COP1: variants seen among roughly 807,000 people sequenced by gnomAD.
The protein encoded by COP1 is COP1 E3 ubiquitin ligase.
A neutral mutation model predicts 101.3 loss-of-function variants in COP1; 24 were observed. The observed-to-expected ratio is 0.24, with a 90% CI of 0.17 to 0.33. The LOEUF is 0.33. COP1 is among the 10% of genes least tolerant of loss of function. The pLI is 1.00. For synonymous variants in COP1, 347 were observed against 341.9 expected, an observed-to-expected ratio of 1.01 and a Z score of -0.17; for missense variants, 663 against 906.2, an observed-to-expected ratio of 0.73 and a Z score of 3.45.
chr1:176,141,829 C>T (rs1352183614), intron 6 of COP1, among the ~76,000 whole-genome samples: 2 of 151,802 alleles, frequency 1.3e-5, no homozygotes, highest in African/African-American at 4.8e-5. Flanking sequence ...CTCCTAGGCT[C>T]AAGCAATTCT....
intron 14 of COP1, among the ~76,000 whole-genome samples, chr1:176,030,361 C>G (rs552675324): frequency 2.4e-4 from 36 of 152,138 alleles, no homozygotes; most frequent in Admixed American, 7.2e-4. Context: ...ACAGCCTAGG[C>G]CCAAAGGTAA....
intron 15 of COP1, among the ~76,000 whole-genome samples, chr1:175,997,559 A>C (rs1483027686): frequency 6.6e-6 from 1 of 151,548 alleles, no homozygotes; most frequent in South Asian, 2.1e-4. Flanking sequence ...CAAGAAAAAA[A>C]CAAACAACCC....
At chr1:175,982,777 CAGAA>C (rs1558206068) in intron 18 of COP1, among the ~76,000 whole-genome samples, 1 of 152,062 alleles carries the variant, frequency 6.6e-6, no homozygotes, top group Non-Finnish European at 1.5e-5. Context: ...AAATCACACA[CAGAA>C]AGAAATACTG....
rs540169676 is a variant in COP1 at position 176,101,594 on chromosome 1, C to A, written c.1026+15030G>T. On this transcript the variant is annotated intron_variant, in intron 9 of 19. Transcript: ENST00000367669. Reference sequence around the variant, plus strand: ...GAAGGGAACCCAGAAGCCCAACATGCCAGCAAAGGGTAAAAGTTTGTTTTA... The same window carrying A: ...GAAGGGAACCCAGAAGCCCAACATGACAGCAAAGGGTAAAAGTTTGTTTTA... 2.6e-4 allele frequency among the ~76,000 whole-genome samples: 40 copies of A among 152,264 alleles called. 1 individual carries two copies. The highest frequency in any genetic ancestry group is 2.1e-3 in the East Asian group (11 of 5,182).
intron 18 of COP1, among the ~76,000 whole-genome samples, chr1:175,964,281 T>G (rs992702442): frequency 6.6e-6 from 1 of 152,034 alleles, no homozygotes; most frequent in South Asian, 2.1e-4. Flanking sequence ...CCTCTACCCT[T>G]AGATGTTTAA....
chr1:176,088,863 T>C (rs948139054), intron 9 of COP1, among the ~76,000 whole-genome samples: 1 of 151,454 alleles, frequency 6.6e-6, no homozygotes, highest in Non-Finnish European at 1.5e-5. Flanking sequence ...GGCATCGTGG[T>C]GCATGCCTGT....
chr1:176,109,141 A>C (rs1191011123), intron 9 of COP1, among the ~76,000 whole-genome samples: 3 of 152,096 alleles, frequency 2.0e-5, no homozygotes, highest in African/African-American at 4.8e-5. Context: ...AAAATTATCA[A>C]AATTTTTAAT....
At chr1:176,068,861 TACA>T (rs979287078) in intron 11 of COP1, among the ~76,000 whole-genome samples, 2 of 152,200 alleles carry the variant, frequency 1.3e-5, no homozygotes, top group African/African-American at 4.8e-5. Context: ...ACTTGCTAAG[TACA>T]ACAACAGCCC....
intron 5 of COP1, among the ~76,000 whole-genome samples, chr1:176,152,764 A>C (rs1692826543): frequency 6.6e-6 from 1 of 152,162 alleles, no homozygotes. Flanking sequence ...AAAAAACCCT[A>C]GATAACTTTA....
intron 12 of COP1, 28 bp downstream of exon 12, chr1:176,046,153 C>A: frequency 6.4e-7 from 1 of 1,570,314 alleles, no homozygotes; most frequent in Non-Finnish European, 8.7e-7. Flanking sequence ...ATCTATACTG[C>A]ATCATGTCAA....
intron 8 of COP1, among the ~76,000 whole-genome samples, chr1:176,124,514 CAT>C (rs930809454): frequency 9.0e-5 from 13 of 145,124 alleles, no homozygotes; most frequent in East Asian, 8.6e-4. Flanking sequence ...TAAGTGAAAA[CAT>C]GTGTTGTTTA....
At chr1:176,183,147 G>A in intron 2 of COP1, among the ~76,000 whole-genome samples, 1 of 152,100 alleles carries the variant, frequency 6.6e-6, no homozygotes. Context: ...ACTAGCAGAG[G>A]GAATACACCT....
intron 11 of COP1, among the ~76,000 whole-genome samples, chr1:176,048,094 C>G (rs979101301): frequency 6.6e-6 from 1 of 151,874 alleles, no homozygotes; most frequent in Non-Finnish European, 1.5e-5. Flanking sequence ...ACAACAACAA[C>G]AAGGACTATT....
At chr1:176,001,373 G>GATTGAGTATAGTAGC (rs1257464816) in intron 15 of COP1, among the ~76,000 whole-genome samples, 5 of 152,072 alleles carry the variant, frequency 3.3e-5, no homozygotes, top group Non-Finnish European at 7.4e-5. Context: ...CATTTTCAGC[G>GATTGAGTATAGTAGC]ATTGAGTATA....
At chr1:175,975,642 C>A (rs114409469) in intron 18 of COP1, among the ~76,000 whole-genome samples, 1 of 152,066 alleles carries the variant, frequency 6.6e-6, no homozygotes, top group Non-Finnish European at 1.5e-5. Context: ...ATCCTAGCCT[C>A]AAGTGATCCA....
intron 15 of COP1, among the ~76,000 whole-genome samples, chr1:176,012,268 G>A (rs958125435): frequency 4.6e-5 from 7 of 152,170 alleles, no homozygotes; most frequent in African/African-American, 1.7e-4. Context: ...CAGGCAGCTG[G>A]GACTACAGGT....
At chr1:175,995,468 T>G (rs9730487) in intron 15 of COP1, among the ~76,000 whole-genome samples, 60,505 of 151,872 alleles carry the variant, frequency 0.4, 12,257 homozygotes, top group Middle Eastern at 0.45. Flanking sequence ...GCTGGTTTTT[T>G]GAAAGGATCA....
chr1:175,965,055 C>G (rs1651832838), intron 18 of COP1, among the ~76,000 whole-genome samples: 1 of 152,054 alleles, frequency 6.6e-6, no homozygotes. Context: ...CTTTTTCATA[C>G]CAAGATTATA....
chr1:176,084,637 T>C (rs1449052411), intron 10 of COP1, among the ~76,000 whole-genome samples: 2 of 152,194 alleles, frequency 1.3e-5, no homozygotes, highest in East Asian at 1.9e-4. Flanking sequence ...AAACTGTTTG[T>C]TGTTAATTTC....
Sources: gnomAD v4.1 joint callset for allele counts (sites outside exome capture counted in the v4.1 genomes callset) on GRCh38, gnomAD v4.1.1 for gene constraint, MANE v1.5 for transcripts, NCBI Gene and HGNC (gene_info 2026-07-23, HGNC 2026-07-21) for gene names.